Variants in LRIG3 observed in about 807,000 individuals in gnomAD.
The protein encoded by LRIG3 is leucine rich repeats and immunoglobulin like domains 3.
Under a neutral mutation model 114.5 loss-of-function variants are expected in LRIG3, and 76 were observed. The observed-to-expected ratio is 0.66, with a 90% confidence interval of 0.55 to 0.80. The LOEUF (loss-of-function observed/expected upper bound fraction) is 0.80, where lower values mean the gene tolerates loss of function less well. Ranked by LOEUF, LRIG3 falls within the 30% of genes least tolerant of loss-of-function variation. The pLI is 0.00. For missense variants in LRIG3, 1,239 were observed against 1,382.8 expected, an observed-to-expected ratio of 0.90 and a Z score of 1.65; for synonymous variants, 512 against 519.8, an observed-to-expected ratio of 0.98 and a Z score of 0.20.
rs1356623154 is a variant in LRIG3 at position 58,882,921 on chromosome 12, C to G, written c.1428G>C (p.Gln476His). 6.2e-7 allele frequency: 1 copy of G among 1,614,064 alleles called. No homozygotes were observed. The highest frequency in any genetic ancestry group is 8.5e-7 in the Non-Finnish European group (1 of 1,180,018). The change falls in exon 12 of 19, where the codon CAG becomes CAC. Residue 476 changes from glutamine (Q) to histidine (H), a missense_variant. Transcript: ENST00000320743. ...SFVNASCAHPQLLKGRSIFAV... is the reference protein window; with the variant it reads ...SFVNASCAHPHLLKGRSIFAV... ...CAAAAATGCTTCTTCCTTTTAGCAG[C>G]TGAGGATGGGCACAACTGGCATTTA...
At chr12:58,908,603 A>G (rs1872157970) in intron 3 of LRIG3, among the ~76,000 whole-genome samples, 1 of 152,112 alleles carries the variant, frequency 6.6e-6, no homozygotes, top group Non-Finnish European at 1.5e-5. Flanking sequence ...TTTACTTTTA[A>G]TTATTGCTGC....
At chr12:58,888,787 C>A in intron 6 of LRIG3, 32 bp downstream of exon 6, 1 of 1,609,960 alleles carries the variant, frequency 6.2e-7, no homozygotes, top group Non-Finnish European at 8.5e-7. Flanking sequence ...GATCATACTA[C>A]CTCAGTAGGA....
Position 58,920,296 on chromosome 12 carries a change from G to T in LRIG3, c.-61C>A. On this transcript the variant is annotated 5_prime_UTR_variant, in exon 1 of 19. Transcript: ENST00000320743. ...CCAGCCGGCGCGCGCTCGGGGCCCGGCACAAACTTCCAGCCGAGGGTGCAC... is the reference window on the plus strand; with the variant it reads ...CCAGCCGGCGCGCGCTCGGGGCCCGTCACAAACTTCCAGCCGAGGGTGCAC... 2 of 1,248,964 alleles carry T rather than the reference G, an allele frequency of 1.6e-6. No homozygotes were observed. Among genetic ancestry groups the T allele is most frequent in the Non-Finnish European group, 1.0e-6 (1 of 980,108 alleles). The allele number at this position is 1,248,964 out of a possible 1,614,324, so 77.4% of individuals were successfully genotyped here.
chr12:58,906,021 C>T (rs1723357719), intron 3 of LRIG3, among the ~76,000 whole-genome samples: 1 of 152,052 alleles, frequency 6.6e-6, no homozygotes, highest in Admixed American at 6.5e-5. Flanking sequence ...AGCAAACAGC[C>T]CATTCATCTG....
At chr12:58,901,672 A>G (rs1020031) in intron 3 of LRIG3, among the ~76,000 whole-genome samples, 9,433 of 152,292 alleles carry the variant, frequency 0.062, 323 homozygotes, top group East Asian at 0.11. Flanking sequence ...ACCCAGGAGA[A>G]GGGAATGCTT....
intron 10 of LRIG3, among the ~76,000 whole-genome samples, chr12:58,884,956 T>C (rs1871227827): frequency 6.6e-6 from 1 of 152,322 alleles, no homozygotes. Flanking sequence ...GTTGGTTCCC[T>C]TAGTTAAAAC....
At chr12:58,900,130 T>C (rs1359648988) in intron 3 of LRIG3, among the ~76,000 whole-genome samples, 1 of 152,154 alleles carries the variant, frequency 6.6e-6, no homozygotes, top group East Asian at 1.9e-4. Flanking sequence ...ATGGGAAAGG[T>C]AGTTACTGGG....
intron 3 of LRIG3, among the ~76,000 whole-genome samples, chr12:58,902,942 G>T (rs1287301333): frequency 2.9e-4 from 44 of 152,082 alleles, no homozygotes; most frequent in Non-Finnish European, 7.4e-5. Context: ...GTGTATATGT[G>T]CCACATTTTC....
At chr12:58,899,399 G>A (rs184813622) in intron 3 of LRIG3, among the ~76,000 whole-genome samples, 6 of 152,018 alleles carry the variant, frequency 3.9e-5, no homozygotes, top group Admixed American at 2.6e-4. Flanking sequence ...TTCATCTTCC[G>A]ATTTTCTTAT....
rs1366362961 is a variant in LRIG3 at position 58,912,375 on chromosome 12, A to G, written c.383+1607T>C. The stretch of plus-strand genomic sequence containing the variant: ...GCCGGGCGTAGTGGCGGACGCCTGT[A>G]GTCCCAGCTACTTGGGAGGCTGAGG... On this transcript the variant is annotated intron_variant, in intron 3 of 18. Coordinates refer to ENST00000320743, the MANE Select transcript of LRIG3 (RefSeq NM_153377.5). Among the ~76,000 whole-genome samples the G allele has an allele frequency of 2.0e-5, 3 of 152,148 alleles. No homozygotes were observed. In the East Asian group the frequency reaches 5.8e-4, roughly 29 times the overall value.
chr12:58,882,953 T>A lies in LRIG3; in HGVS notation c.1396A>T (p.Ser466Cys), dbSNP rs752506596. Residue 466 changes from serine to cysteine, a missense_variant, in exon 12 of 19, where the codon AGC (serine) becomes TGC (cysteine). Ser to Cys is a moderately radical substitution (Grantham distance 112). Transcript: ENST00000320743. Reference protein sequence around the residue: ...PQWVAENNFQSFVNASCAHPQ... With the variant: ...PQWVAENNFQCFVNASCAHPQ... ...TGGGCACAACTGGCATTTACAAAGC[T>A]CTGAAAGTTGTTTTCCGCCACCCAC... is the stretch of plus-strand genomic sequence containing the variant. The A allele has an allele frequency of 6.2e-7, 1 of 1,614,146 alleles. No homozygotes were observed. Among genetic ancestry groups the A allele is most frequent in the Non-Finnish European group, 8.5e-7 (1 of 1,180,000 alleles).
At chr12:58,899,908 G>C (rs369603487) in intron 3 of LRIG3, among the ~76,000 whole-genome samples, 1 of 152,280 alleles carries the variant, frequency 6.6e-6, no homozygotes, top group African/African-American at 2.4e-5. Flanking sequence ...CTGGTGAGTA[G>C]AGCTTGGATG....
At chr12:58,887,527 A>G (rs1871314804) in intron 8 of LRIG3, among the ~76,000 whole-genome samples, 1 of 152,154 alleles carries the variant, frequency 6.6e-6, no homozygotes, top group African/African-American at 2.4e-5. Flanking sequence ...TTCCCTCTTA[A>G]GCAGTTACCA....
rs1174816566 is a variant in LRIG3, at chr12:58,877,587, A to G, written c.2349T>C (p.Ser783=). The G allele has an allele frequency of 6.2e-7, 1 of 1,614,200 alleles. No individual in the cohort carries two copies. The highest frequency in any genetic ancestry group is 8.5e-7 in the Non-Finnish European group (1 of 1,180,046). ...LGTERGNVRL[S]VIPTPTCDSP... is the part of the protein sequence containing the mutation. The stretch of plus-strand genomic sequence containing the variant: ...AGTCGCAGGTTGGAGTGGGGATCAC[A>G]CTGAGGCGCACGTTTCCTCTCTCAG... Residue 783 remains serine, a synonymous_variant, in exon 15 of 19, where the codon AGT becomes AGC. Transcript: ENST00000320743.
At chr12:58,898,677 T>G (rs530106159) in intron 3 of LRIG3, among the ~76,000 whole-genome samples, 1 of 152,300 alleles carries the variant, frequency 6.6e-6, no homozygotes, top group East Asian at 1.9e-4. Flanking sequence ...TTTTTTTTCT[T>G]GAGACGGAGT....
At chr12:58,880,512 G>A in intron 13 of LRIG3, 69 bp downstream of exon 13, 1 of 1,473,952 alleles carries the variant, frequency 6.8e-7, no homozygotes, top group Non-Finnish European at 9.4e-7. Context: ...AAGATTAAGA[G>A]AGAAAAACAG....
chr12:58,919,685 G>T, intron 1 of LRIG3: 1 of 1,119,296 alleles, frequency 8.9e-7, no homozygotes, highest in Non-Finnish European at 1.2e-6. Context: ...GCAAGCATTT[G>T]AACCCCTTGG....
chr12:58,913,882 TTCC>T, intron 3 of LRIG3, 97 bp downstream of exon 3: 1 of 1,024,352 alleles, frequency 9.8e-7, no homozygotes, highest in Non-Finnish European at 1.4e-6. Context: ...GAAAAAAATA[TTCC>T]ATTTTTTTCT....
chr12:58,880,768 A>T lies in LRIG3; in HGVS notation c.1614T>A (p.Asn538Lys), dbSNP rs1177560183. The change falls in exon 13 of 19, where the codon AAT becomes AAA. Residue 538 changes from asparagine (N) to lysine (K), a missense_variant. Coordinates refer to ENST00000320743, the MANE Select transcript of LRIG3 (RefSeq NM_153377.5). Reference sequence around the variant, plus strand: ...CCATTTCAGCATCATGCAGTAGTTCATTGTCTTTTTTCCAAGCAAAAGTCA... The same window carrying T: ...CCATTTCAGCATCATGCAGTAGTTCTTTGTCTTTTTTCCAAGCAAAAGTCA... ...SPMTFAWKKDNELLHDAEMEN... is the reference protein window; with the variant it reads ...SPMTFAWKKDKELLHDAEMEN... The T allele has an allele frequency of 6.2e-7, 1 of 1,614,150 alleles. No homozygotes were observed. Among genetic ancestry groups the T allele is most frequent in the South Asian group, 1.1e-5 (1 of 91,078 alleles).
Sources: gnomAD v4.1 joint callset for allele counts (sites outside exome capture counted in the v4.1 genomes callset) on GRCh38, gnomAD v4.1.1 for gene constraint, MANE v1.5 for transcripts, NCBI Gene and HGNC (gene_info 2026-07-23, HGNC 2026-07-21) for gene names.